The following RSPH3 variants were observed in gnomAD, a reference collection of about 807,000 sequenced individuals.
RSPH3 encodes the protein radial spoke head 3.
RSPH3 carries 21 observed loss-of-function variants against 43.8 expected under a neutral mutation model. The observed-to-expected ratio is 0.48, with a 90% CI of 0.34 to 0.69. The LOEUF (loss-of-function observed/expected upper bound fraction) is 0.69, where lower values mean the gene tolerates loss of function less well. Among genes scored for constraint, RSPH3 ranks in the 30% least tolerant of loss-of-function variants. RSPH3 has a pLI of 0.01. For missense variants in RSPH3, 487 were observed against 516.0 expected, an observed-to-expected ratio of 0.94 and a Z score of 0.54; for synonymous variants, 173 against 179.8, an observed-to-expected ratio of 0.96 and a Z score of 0.30.
the RSPH3 span, among the ~76,000 whole-genome samples, chr6:158,965,733 A>T: frequency 6.6e-6 from 1 of 152,028 alleles, no homozygotes; most frequent in Non-Finnish European, 1.5e-5. Flanking sequence ...TTTCCTTTCC[A>T]ATCCGGATGA....
chr6:158,984,470 ATAT>A (rs1778156435), intron 3 of RSPH3, among the ~76,000 whole-genome samples: 1 of 122,748 alleles, frequency 8.1e-6, no homozygotes. Flanking sequence ...ATATATATAT[ATAT>A]ATTTGAGTCC....
chr6:158,977,494 C>T lies in RSPH3; in HGVS notation c.*44G>A. ...TCGCACATCATTACCTGATTGCTTG[C>T]TGACTTGGCTGTTGATTGGTTTCAT... On this transcript the variant is annotated 3_prime_UTR_variant, in exon 8 of 8. Transcript: ENST00000367069. 6.6e-7 allele frequency: 1 copy of T among 1,526,252 alleles called. No homozygotes were observed. Among genetic ancestry groups the T allele is most frequent in the Non-Finnish European group, 8.8e-7 (1 of 1,134,906 alleles). The allele number at this position is 1,526,252 out of a possible 1,614,324, so 94.5% of individuals were successfully genotyped here.
At chr6:158,972,038 T>C (rs1005483716), downstream of RSPH3, among the ~76,000 whole-genome samples, 1 of 152,094 alleles carries the variant, frequency 6.6e-6, no homozygotes, top group African/African-American at 2.4e-5. Context: ...GAAAAATTTA[T>C]TGGGGTACAT....
intron 3 of RSPH3, among the ~76,000 whole-genome samples, chr6:158,984,437 TATATATATATATATATATATATATA>T (rs1562562143): frequency 0.02 from 988 of 49,484 alleles, 44 homozygotes; most frequent in Non-Finnish European, 0.033. Context: ...AAGTCAATTA[TATATATATATATATATATATATATA>T]TATATATATA....
At chr6:158,963,473 C>CCCTTCCCTTCCCTTCCCTTCCCT in the RSPH3 span, among the ~76,000 whole-genome samples, 1 of 124,890 alleles carries the variant, frequency 8.0e-6, no homozygotes, top group Non-Finnish European at 1.7e-5. Flanking sequence ...CTCCCCTCCT[C>CCCTTCCCTTCCCTTCCCTTCCCT]TCCCTTCCCT....
chr6:158,978,455 T>G (rs1272347248), intron 6 of RSPH3, 109 bp from the exon 7 acceptor site: 1 of 636,262 alleles, frequency 1.6e-6, no homozygotes, highest in African/African-American at 1.8e-5. Context: ...AAATGTTAAG[T>G]AGACTCATAC....
In RSPH3 at chr6:158,987,400, G is replaced by A. The variant is rs542595733; in HGVS notation, c.205-979C>T. ...TTGAAGGAGCATATAGTTGGGTCTC[G>A]TTCCTTTATCCAATCAGCTCTTCTA... On this transcript the variant is annotated intron_variant, in intron 2 of 7. Coordinates refer to ENST00000367069, the MANE Select transcript of RSPH3 (RefSeq NM_031924.8). Among the ~76,000 whole-genome samples, 131 of 152,218 alleles carry A rather than the reference G, an allele frequency of 8.6e-4. 1 individual carries two copies. The highest frequency in any genetic ancestry group is 3.1e-3 in the African/African-American group (128 of 41,524).
chr6:158,975,113 A>T lies in RSPH3; in HGVS notation c.*2425T>A, dbSNP rs958640649. Reference sequence around the variant, plus strand: ...CTCGGCCTCCCAAAGTGCTGGGATTACAGGTGCAAGCCACCGTGCCTGGCC... The same window carrying T: ...CTCGGCCTCCCAAAGTGCTGGGATTTCAGGTGCAAGCCACCGTGCCTGGCC... On this transcript the variant is annotated 3_prime_UTR_variant, in exon 8 of 8. Transcript: ENST00000367069. 1 of 152,230 alleles carries T rather than the reference A, an allele frequency of 6.6e-6. No homozygotes were observed. Among genetic ancestry groups the T allele is most frequent in the Non-Finnish European group, 1.5e-5 (1 of 68,066 alleles). The allele number at this position is 152,230 out of a possible 1,614,324, so 9.4% of individuals were successfully genotyped here. A position where few individuals can be genotyped will look rare whatever the true frequency, so the allele number is the denominator to read the frequency against.
At position 158,978,255 on chromosome 6, in the gene RSPH3, CTT is replaced by C; in HGVS notation, c.946+3_946+4del. ...AGAGATGAATTTTTGGATAAAATAACTTACTGTCAAGCACTGTTCTTCCCACC... is the reference window on the plus strand; with the variant it reads ...AGAGATGAATTTTTGGATAAAATAACACTGTCAAGCACTGTTCTTCCCACC... On this transcript the variant is annotated splice_donor_region_variant and intron_variant, in intron 7 of 7. Transcript: ENST00000367069. The C allele has an allele frequency of 6.8e-7, 1 of 1,469,404 alleles. No homozygotes were observed. Among genetic ancestry groups the C allele is most frequent in the South Asian group, 1.2e-5 (1 of 85,242 alleles). 91.0% of individuals were successfully genotyped at this position (1,469,404 alleles called of 1,614,324 possible). A position where few individuals can be genotyped will look rare whatever the true frequency, so the allele number is the denominator to read the frequency against.
chr6:158,987,813 C>T (rs1415048840), intron 2 of RSPH3, among the ~76,000 whole-genome samples: 1 of 152,206 alleles, frequency 6.6e-6, no homozygotes, highest in African/African-American at 2.4e-5. Context: ...ATTTTTATAT[C>T]ACCTACCTCT....
At chr6:158,967,416 C>T in the RSPH3 span, among the ~76,000 whole-genome samples, 1 of 152,096 alleles carries the variant, frequency 6.6e-6, no homozygotes, top group Non-Finnish European at 1.5e-5. Context: ...TCCCAAACTT[C>T]TTTTTATTAT....
In RSPH3 at chr6:158,985,692, G is replaced by A. The variant is rs550154727; in HGVS notation, c.346+588C>T. Among the ~76,000 whole-genome samples the A allele has an allele frequency of 8.6e-5, 13 of 151,980 alleles. No individual in the cohort carries two copies. The South Asian group carries it at 2.5e-3, about 29-fold the overall frequency. ...TGCCTCCCAAAGTGTTGGGATTACA[G>A]ATGTGAGCCACCGTGCTTGGCCAAA... On this transcript the variant is annotated intron_variant, in intron 3 of 7. Transcript: ENST00000367069.
chr6:158,994,678 A>C (rs1778533312), intron 1 of RSPH3, among the ~76,000 whole-genome samples: 1 of 152,132 alleles, frequency 6.6e-6, no homozygotes. Flanking sequence ...ATAAGAAATA[A>C]AATAAAATAT....
downstream of RSPH3, among the ~76,000 whole-genome samples, chr6:158,969,728 C>G (rs1394936068): frequency 6.6e-6 from 1 of 152,180 alleles, no homozygotes; most frequent in Admixed American, 6.5e-5. Flanking sequence ...TGGATTATCT[C>G]AATGGACTTA....
intron 1 of RSPH3, among the ~76,000 whole-genome samples, chr6:158,997,675 G>C (rs1778641431): frequency 6.6e-6 from 1 of 152,156 alleles, no homozygotes; most frequent in African/African-American, 2.4e-5. Context: ...TATCAAAAAA[G>C]TTGTTCCTAA....
chr6:158,978,292 T>C lies in RSPH3; in HGVS notation c.914A>G (p.Glu305Gly), dbSNP rs1352287945. 1.2e-5 allele frequency: 19 copies of C among 1,585,628 alleles called. No individual in the cohort carries two copies. Among genetic ancestry groups the C allele is most frequent in the Non-Finnish European group, 1.6e-5 (19 of 1,155,600 alleles). Residue 305 changes from glutamate to glycine, a missense_variant, in exon 7 of 8, where the codon GAA becomes GGA. Coordinates refer to ENST00000367069, the MANE Select transcript of RSPH3 (RefSeq NM_031924.8). The part of the protein sequence containing the change: ...WLMNEVEKTM[E>G]YSMVGRTVLD... ...CACTGTTCTTCCCACCATGCTATAT[T>C]CCATGGTTTTTTCAACTTCATTCAT...
At chr6:158,969,677 C>T (rs1296365093), downstream of RSPH3, among the ~76,000 whole-genome samples, 1 of 152,274 alleles carries the variant, frequency 6.6e-6, no homozygotes, top group Non-Finnish European at 1.5e-5. Flanking sequence ...GTCTCTGAGG[C>T]TTTGCTCATT....
intron 2 of RSPH3, among the ~76,000 whole-genome samples, chr6:158,986,884 G>A (rs1259939848): frequency 6.6e-6 from 1 of 151,996 alleles, no homozygotes; most frequent in Non-Finnish European, 1.5e-5. Flanking sequence ...CCTAAGATAT[G>A]GTCTATTCTG....
chr6:159,000,116 G>T lies in RSPH3; in HGVS notation c.-566C>A. ...TGTCCTCGGCTGTTTCTCCTGCCGCGGCGCAGCAGCGCTCCCAGGCTGCCC... is the reference window on the plus strand; with the variant it reads ...TGTCCTCGGCTGTTTCTCCTGCCGCTGCGCAGCAGCGCTCCCAGGCTGCCC... On this transcript the variant is annotated 5_prime_UTR_variant, in exon 1 of 8. Transcript: ENST00000367069. The T allele has an allele frequency of 2.2e-6, 2 of 905,170 alleles. No homozygotes were observed. 56.1% of individuals were successfully genotyped at this position (905,170 alleles called of 1,614,324 possible).
Sources: allele counts gnomAD v4.1 joint callset (sites outside exome capture counted in the v4.1 genomes callset), GRCh38; gene constraint gnomAD v4.1.1; transcripts MANE v1.5; gene names NCBI Gene and HGNC (gene_info 2026-07-23, HGNC 2026-07-21).